The following MSRA variants were observed in gnomAD, a reference collection of about 807,000 sequenced individuals.
The protein encoded by MSRA is mitochondrial peptide methionine sulfoxide reductase.
Under a neutral mutation model 31.3 loss-of-function variants are expected in MSRA, and 54 were observed. The ratio of observed to expected loss-of-function variants is 1.73; its 90% CI spans 1.39 to 2.17. The LOEUF (loss-of-function observed/expected upper bound fraction) is 2.17. Ranked by LOEUF, MSRA falls within the 30% of genes most tolerant of loss-of-function variation. The pLI is 0.00. For missense variants in MSRA, 507 were observed against 300.9 expected, an observed-to-expected ratio of 1.69 and a Z score of -5.07; for synonymous variants, 169 against 116.5, an observed-to-expected ratio of 1.45 and a Z score of -2.90.
chr8:10,073,442 A>G (rs745530979), intron 1 of MSRA, among the ~76,000 whole-genome samples: 1 of 152,208 alleles, frequency 6.6e-6, no homozygotes, highest in Non-Finnish European at 1.5e-5. Context: ...AGTAGTTGTG[A>G]TAGTGACCAT....
At chr8:10,218,047 G>C (rs1281253606) in intron 2 of MSRA, among the ~76,000 whole-genome samples, 2 of 151,930 alleles carry the variant, frequency 1.3e-5, no homozygotes, top group Non-Finnish European at 2.9e-5. Flanking sequence ...GAGAGTGAGA[G>C]GGCTGATCAG....
At chr8:10,076,220 A>G (rs1435032000) in intron 1 of MSRA, among the ~76,000 whole-genome samples, 1 of 152,242 alleles carries the variant, frequency 6.6e-6, no homozygotes. Flanking sequence ...CCAGTTGCAC[A>G]GAATGTTTGT....
At chr8:10,133,834 T>A (rs1802072485) in intron 1 of MSRA, among the ~76,000 whole-genome samples, 1 of 152,126 alleles carries the variant, frequency 6.6e-6, no homozygotes, top group Non-Finnish European at 1.5e-5. Context: ...GTTGTTGTTC[T>A]TTTGTTTGTT....
intron 1 of MSRA, among the ~76,000 whole-genome samples, chr8:10,152,603 G>A (rs747376712): frequency 2.0e-5 from 3 of 152,202 alleles, no homozygotes; most frequent in African/African-American, 7.2e-5. Flanking sequence ...CATTGTTTTA[G>A]ATTCTGTGGA....
At chr8:10,390,992 A>G (rs1306026475) in intron 5 of MSRA, among the ~76,000 whole-genome samples, 1 of 151,306 alleles carries the variant, frequency 6.6e-6, no homozygotes, top group East Asian at 1.9e-4. Context: ...AAAAAAAAAA[A>G]ACAGCACAAG....
At chr8:10,064,644 T>C (rs1006048772) in intron 1 of MSRA, among the ~76,000 whole-genome samples, 2 of 152,228 alleles carry the variant, frequency 1.3e-5, no homozygotes, top group Non-Finnish European at 2.9e-5. Flanking sequence ...CTTTCAAAGA[T>C]GTTACCATAG....
intron 1 of MSRA, among the ~76,000 whole-genome samples, chr8:10,135,474 A>C (rs1481316209): frequency 2.0e-5 from 3 of 152,228 alleles, no homozygotes; most frequent in Non-Finnish European, 4.4e-5. Flanking sequence ...GTTACCAACG[A>C]GTAATATTAA....
chr8:10,424,420 C>T (rs1363344747), intron 5 of MSRA, among the ~76,000 whole-genome samples: 2 of 143,196 alleles, frequency 1.4e-5, no homozygotes, highest in Non-Finnish European at 3.0e-5. Context: ...GGAATAGGAT[C>T]GGGGAGAAGG....
At chr8:10,235,622 A>G (rs1270441225) in intron 2 of MSRA, among the ~76,000 whole-genome samples, 1 of 152,152 alleles carries the variant, frequency 6.6e-6, no homozygotes, top group Non-Finnish European at 1.5e-5. Flanking sequence ...GAAAACCTCT[A>G]AAAAGAGAGA....
At chr8:10,170,643 G>C (rs1232535885) in intron 1 of MSRA, among the ~76,000 whole-genome samples, 1 of 152,182 alleles carries the variant, frequency 6.6e-6, no homozygotes, top group Non-Finnish European at 1.5e-5. Context: ...AAGTCATCTA[G>C]AGATGATTTA....
At chr8:10,156,614 G>A (rs1378097764) in intron 1 of MSRA, among the ~76,000 whole-genome samples, 1 of 151,970 alleles carries the variant, frequency 6.6e-6, no homozygotes, top group Non-Finnish European at 1.5e-5. Context: ...TTTTCATATG[G>A]ACACATAGAG....
chr8:10,229,201 A>T (rs1585221409), intron 2 of MSRA, among the ~76,000 whole-genome samples: 1 of 151,606 alleles, frequency 6.6e-6, no homozygotes, highest in East Asian at 1.9e-4. Flanking sequence ...GTGTCTTTGC[A>T]GGTTTTGGGT....
intron 5 of MSRA, among the ~76,000 whole-genome samples, chr8:10,380,257 C>T (rs1805986937): frequency 6.6e-6 from 1 of 152,184 alleles, no homozygotes; most frequent in Non-Finnish European, 1.5e-5. Context: ...GATTCCTACT[C>T]ATGATTTAAG....
intron 1 of MSRA, among the ~76,000 whole-genome samples, chr8:10,160,040 G>A (rs1563165602): frequency 6.6e-6 from 1 of 152,216 alleles, no homozygotes; most frequent in Admixed American, 6.5e-5. Flanking sequence ...TTAGCAGGGT[G>A]TTGAGATCAA....
chr8:10,355,437 C>T (rs1022774774), intron 5 of MSRA, among the ~76,000 whole-genome samples: 1 of 152,138 alleles, frequency 6.6e-6, no homozygotes, highest in East Asian at 1.9e-4. Flanking sequence ...TCAAAAAGAA[C>T]GATGTGTCGG....
At chr8:10,091,024 G>T (rs1347684900) in intron 1 of MSRA, among the ~76,000 whole-genome samples, 1 of 152,184 alleles carries the variant, frequency 6.6e-6, no homozygotes, top group Admixed American at 6.5e-5. Flanking sequence ...ATCCTTTTCT[G>T]TGTAGAGATG....
rs557235105 is a variant in MSRA at position 10,178,388 on chromosome 8, A to G, written c.143-29445A>G. On this transcript the variant is annotated intron_variant, in intron 1 of 5. Coordinates refer to ENST00000317173, the MANE Select transcript of MSRA (RefSeq NM_012331.5). ...GGAGATCACTTGAGCCCAGGAGTTC[A>G]AGACCAGCCTGGGCAAGACAGCGAG... Among the ~76,000 whole-genome samples the G allele has an allele frequency of 1.1e-3, 169 of 152,252 alleles. 1 individual carries two copies. Among genetic ancestry groups the G allele is most frequent in the Non-Finnish European group, 2.0e-3 (138 of 68,010 alleles).
At chr8:10,078,712 C>G (rs1369287607) in intron 1 of MSRA, among the ~76,000 whole-genome samples, 1 of 152,252 alleles carries the variant, frequency 6.6e-6, no homozygotes, top group Non-Finnish European at 1.5e-5. Context: ...TTAGCTATAA[C>G]CATTTTTCTG....
At chr8:10,406,237 T>A (rs1410306692) in intron 5 of MSRA, among the ~76,000 whole-genome samples, 2 of 152,000 alleles carry the variant, frequency 1.3e-5, no homozygotes, top group Non-Finnish European at 2.9e-5. Flanking sequence ...CTGAGGGAGG[T>A]CCCTTGCAGT....
Sources: allele counts gnomAD v4.1 joint callset (sites outside exome capture counted in the v4.1 genomes callset), GRCh38; gene constraint gnomAD v4.1.1; transcripts MANE v1.5; gene names NCBI Gene and HGNC (gene_info 2026-07-23, HGNC 2026-07-21).